TMED3: variants seen among roughly 807,000 people sequenced by gnomAD.
TMED3 encodes the protein transmembrane p24 trafficking protein 3, also known as transmembrane emp24 domain-containing protein 3.
TMED3 carries 9 observed loss-of-function variants against 15.0 expected under a neutral mutation model. That is an observed-to-expected ratio of 0.60 (90% CI 0.36 to 1.04). The LOEUF is 1.04. TMED3 is among the 50% of genes least tolerant of loss of function. The pLI is 0.01. For synonymous variants in TMED3, 117 were observed against 121.4 expected, an observed-to-expected ratio of 0.96 and a Z score of 0.24; for missense variants, 267 against 278.9, an observed-to-expected ratio of 0.96 and a Z score of 0.30.
At chr15:79,344,094 A>G (rs988882396) in intron 2 of TMED3, among the ~76,000 whole-genome samples, 4 of 152,248 alleles carry the variant, frequency 2.6e-5, no homozygotes, top group Non-Finnish European at 4.4e-5. Context: ...AAGCAGGTCT[A>G]GATCCCATGG....
At chr15:79,324,221 G>A (rs1053716185), downstream of TMED3, among the ~76,000 whole-genome samples, 1 of 152,172 alleles carries the variant, frequency 6.6e-6, no homozygotes, top group Non-Finnish European at 1.5e-5. Flanking sequence ...TCGATCTCCT[G>A]ACCTCGTGAT....
chr15:79,393,321 A>T lies in TMED3; in HGVS notation c.418-18079A>T, dbSNP rs374335412. 5.5e-4 allele frequency among the ~76,000 whole-genome samples: 84 copies of T among 152,342 alleles called. 1 individual carries two copies. In the East Asian group the frequency reaches 0.015, roughly 28 times the overall value. ...AGAGCCGAGTTTTGTTAATAAGACAATAAAAACTGAGTAGCTACTATCTGT... is the reference window on the plus strand; with the variant it reads ...AGAGCCGAGTTTTGTTAATAAGACATTAAAAACTGAGTAGCTACTATCTGT... On this transcript the variant is annotated intron_variant, in intron 2 of 2. Transcript: ENST00000424155.
intron 2 of TMED3, among the ~76,000 whole-genome samples, chr15:79,357,464 C>CAA (rs59897659): frequency 0.03 from 2,622 of 87,380 alleles, 108 homozygotes; most frequent in Non-Finnish European, 0.038. Flanking sequence ...CACCCTGCCT[C>CAA]AAAAAAAAAA....
intron 2 of TMED3, among the ~76,000 whole-genome samples, chr15:79,389,308 G>A (rs1309501782): frequency 3.3e-5 from 5 of 151,632 alleles, no homozygotes; most frequent in Non-Finnish European, 7.4e-5. Flanking sequence ...TCCTACATGT[G>A]GCTAGCCAAT....
chr15:79,353,266 A>ATG (rs1268827987), intron 2 of TMED3, among the ~76,000 whole-genome samples: 1 of 60,630 alleles, frequency 1.6e-5, no homozygotes, highest in African/African-American at 7.4e-5. Flanking sequence ...TATATATTAT[A>ATG]TATAATATAT....
chr15:79,345,989 A>G (rs1305331221), intron 2 of TMED3, among the ~76,000 whole-genome samples: 1 of 151,966 alleles, frequency 6.6e-6, no homozygotes, highest in African/African-American at 2.4e-5. Flanking sequence ...CCCGCTTCTT[A>G]ATGGAGTTGT....
intron 2 of TMED3, among the ~76,000 whole-genome samples, chr15:79,398,148 C>T (rs749578836): frequency 2.0e-5 from 3 of 152,094 alleles, no homozygotes; most frequent in Non-Finnish European, 4.4e-5. Flanking sequence ...TTCATCCCTC[C>T]TCCTCCATCC....
At chr15:79,382,798 A>G (rs1893558602) in intron 2 of TMED3, among the ~76,000 whole-genome samples, 1 of 152,192 alleles carries the variant, frequency 6.6e-6, no homozygotes, top group African/African-American at 2.4e-5. Flanking sequence ...AATTTCAATC[A>G]GATCATCTAC....
chr15:79,369,269 C>T (rs936945268), intron 2 of TMED3, among the ~76,000 whole-genome samples: 1 of 152,112 alleles, frequency 6.6e-6, no homozygotes, highest in African/African-American at 2.4e-5. Flanking sequence ...CAGGGGGTTG[C>T]CTCGAGAGAT....
In TMED3 at chr15:79,381,647, A is replaced by G. The variant is rs72740348; in HGVS notation, c.418-29753A>G. Among the ~76,000 whole-genome samples the G allele has an allele frequency of 4.5e-3, 684 of 152,336 alleles. 3 individuals are homozygous for G. Among genetic ancestry groups the G allele is most frequent in the Admixed American group, 8.0e-3 (123 of 15,302 alleles). ...CCTGGTATCTCATCAGAACAGGGACAAAAGAAGACAAATCATATTGGAGCC... is the reference window on the plus strand; with the variant it reads ...CCTGGTATCTCATCAGAACAGGGACGAAAGAAGACAAATCATATTGGAGCC... On this transcript the variant is annotated intron_variant, in intron 2 of 2. Transcript: ENST00000424155.
intron 2 of TMED3, among the ~76,000 whole-genome samples, chr15:79,321,209 A>C (rs2141217519): frequency 6.6e-6 from 1 of 152,316 alleles, no homozygotes. Context: ...TATTAACGTG[A>C]TGCAGTCACA....
At chr15:79,326,379 C>T (rs891407087), downstream of TMED3, among the ~76,000 whole-genome samples, 42 of 152,176 alleles carry the variant, frequency 2.8e-4, no homozygotes, top group African/African-American at 9.7e-4. Flanking sequence ...AAAGGGGCTC[C>T]TGAGCTGTCA....
At chr15:79,324,135 C>T (rs910791864), downstream of TMED3, among the ~76,000 whole-genome samples, 19 of 152,130 alleles carry the variant, frequency 1.2e-4, no homozygotes, top group African/African-American at 4.1e-4. Context: ...GGACTACAGG[C>T]ACCCGCCACC....
chr15:79,313,984 CAG>C lies in TMED3; in HGVS notation c.397_398del (p.Arg133GlyfsTer16), dbSNP rs748049341. 1.9e-6 allele frequency: 3 copies of C among 1,614,112 alleles called. No individual in the cohort carries two copies. The highest frequency in any genetic ancestry group is 2.5e-6 in the Non-Finnish European group (3 of 1,179,966). The stretch of plus-strand genomic sequence containing the variant: ...CTCCCATTCTCCCAGACATGGGGAA[CAG>C]GGTCACAGCTCTCACCCAGGTGAGT... ...EPPILPDMGN[R>X]VTALTQMESA... On this transcript the variant is annotated frameshift_variant, in exon 2 of 3. Coordinates refer to ENST00000299705, the MANE Select transcript of TMED3 (RefSeq NM_007364.4). LOFTEE classifies it high-confidence loss of function.
chr15:79,384,103 G>A (rs1893586976), intron 2 of TMED3: 1 of 152,252 alleles, frequency 6.6e-6, no homozygotes, highest in South Asian at 2.1e-4. Context: ...AGCTGGCTCA[G>A]AGGTTCTAAA....
intron 2 of TMED3, among the ~76,000 whole-genome samples, chr15:79,392,567 C>T (rs34283444): frequency 0.15 from 22,251 of 152,056 alleles, 1,760 homozygotes; most frequent in East Asian, 0.2. Flanking sequence ...AACCTGATGA[C>T]GATGTGCCCA....
chr15:79,368,767 T>C (rs28687858), intron 2 of TMED3, among the ~76,000 whole-genome samples: 21,938 of 152,130 alleles, frequency 0.14, 1,739 homozygotes, highest in African/African-American at 0.21. Context: ...TCCCCTGATT[T>C]TCCACTTCCT....
intron 2 of TMED3, among the ~76,000 whole-genome samples, chr15:79,328,712 G>A (rs185737708): frequency 2.3e-4 from 35 of 152,328 alleles, no homozygotes; most frequent in African/African-American, 7.7e-4. Flanking sequence ...AACCACAGAA[G>A]CAAGAGAGAA....
intron 2 of TMED3, among the ~76,000 whole-genome samples, chr15:79,410,601 A>G: frequency 6.6e-6 from 1 of 152,214 alleles, no homozygotes; most frequent in Non-Finnish European, 1.5e-5. Context: ...GGGGACCTAC[A>G]AAATATTCCT....
Sources: allele counts gnomAD v4.1 joint callset (sites outside exome capture counted in the v4.1 genomes callset), GRCh38; gene constraint gnomAD v4.1.1; transcripts MANE v1.5; gene names NCBI Gene and HGNC (gene_info 2026-07-23, HGNC 2026-07-21).